RBFOX1: variants seen among roughly 807,000 people sequenced by gnomAD.
RBFOX1 encodes the protein RNA binding protein fox-1 homolog 1.
RBFOX1 carries 8 observed loss-of-function variants against 57.7 expected under a neutral mutation model. That is an observed-to-expected ratio of 0.14 (90% confidence interval 0.08 to 0.25). The LOEUF is 0.25. Among genes scored for constraint, RBFOX1 ranks in the 10% least tolerant of loss-of-function variants. The pLI, the probability that RBFOX1 is intolerant of heterozygous loss-of-function variation, is 1.00. For missense variants in RBFOX1, 611 were observed against 548.5 expected (o/e 1.11, Z -1.14); for synonymous variants, 326 against 222.4 (o/e 1.47, Z -4.15).
intron 3 of RBFOX1, chr16:6,705,443 T>C (rs941242722): frequency 3.3e-5 from 5 of 152,284 alleles, no homozygotes; most frequent in African/African-American, 1.2e-4. Context: ...CCTGGGTTAC[T>C]GTACACATAG....
At chr16:6,532,304 A>T (rs939162624) in intron 2 of RBFOX1, among the ~76,000 whole-genome samples, 1 of 152,114 alleles carries the variant, frequency 6.6e-6, no homozygotes, top group Non-Finnish European at 1.5e-5. Flanking sequence ...GGAAGCACCA[A>T]CCAGTGAGCA....
At chr16:5,442,077 GT>G (rs763058841) in intron 1 of RBFOX1, among the ~76,000 whole-genome samples, 26 of 152,286 alleles carry the variant, frequency 1.7e-4, no homozygotes, top group Admixed American at 3.3e-4. Context: ...GAGTTGGGGA[GT>G]TTTGCTAGAA....
At chr16:6,132,426 C>G (rs963492972) in intron 1 of RBFOX1, among the ~76,000 whole-genome samples, 1 of 152,194 alleles carries the variant, frequency 6.6e-6, no homozygotes, top group Non-Finnish European at 1.5e-5. Context: ...CATGAAGCAG[C>G]TTGAATTCCT....
intron 4 of RBFOX1, among the ~76,000 whole-genome samples, chr16:7,079,805 G>A (rs991367854): frequency 6.6e-6 from 1 of 151,894 alleles, no homozygotes; most frequent in South Asian, 2.1e-4. Flanking sequence ...TAAGATTTGT[G>A]TGCTTTAACC....
chr16:7,642,614 G>T (rs1031719314), intron 11 of RBFOX1, among the ~76,000 whole-genome samples: 1 of 152,134 alleles, frequency 6.6e-6, no homozygotes, highest in Non-Finnish European at 1.5e-5. Flanking sequence ...CTGTTAGATA[G>T]AACATGAATG....
intron 1 of RBFOX1, among the ~76,000 whole-genome samples, chr16:6,084,642 G>A (rs780158023): frequency 2.0e-5 from 3 of 152,134 alleles, no homozygotes; most frequent in Non-Finnish European, 4.4e-5. Flanking sequence ...GTGACATGGT[G>A]AAAAAGTAAG....
intron 2 of RBFOX1, among the ~76,000 whole-genome samples, chr16:6,606,433 C>A (rs151265185): frequency 6.6e-6 from 1 of 152,152 alleles, no homozygotes; most frequent in Non-Finnish European, 1.5e-5. Context: ...TAAACGTGTG[C>A]CATAGTGATT....
intron 1 of RBFOX1, among the ~76,000 whole-genome samples, chr16:5,454,685 G>T (rs557742968): frequency 3.9e-5 from 6 of 152,226 alleles, no homozygotes; most frequent in African/African-American, 1.4e-4. Flanking sequence ...TTAGGATTTT[G>T]CAGCCTCCAT....
chr16:6,319,833 A>G (rs1490083781), intron 2 of RBFOX1, among the ~76,000 whole-genome samples: 1 of 152,192 alleles, frequency 6.6e-6, no homozygotes, highest in Non-Finnish European at 1.5e-5. Flanking sequence ...AACTTCCAAG[A>G]GGTTTCCTTG....
rs79300691 is a variant in RBFOX1, at chr16:5,946,881, A to G, written c.351+79546A>G. ...AATAAAACCCAACACATATGAGTGT[A>G]GAGGTATGCTGCTTGAGTGGAGAAA... is the stretch of plus-strand genomic sequence containing the variant. On this transcript the variant is annotated intron_variant, in intron 4 of 19. Transcript: ENST00000641259. This position sits in a 1 kb window ranked among gnomAD's most constrained non-coding sequence, Gnocchi z 4.6. Among the ~76,000 whole-genome samples, 804 of 152,266 alleles carry G rather than the reference A, an allele frequency of 5.3e-3. 10 individuals are homozygous for G. Among genetic ancestry groups the G allele is most frequent in the African/African-American group, 0.018 (758 of 41,538 alleles).
intron 3 of RBFOX1, among the ~76,000 whole-genome samples, chr16:6,716,902 A>G (rs374384709): frequency 5.9e-5 from 9 of 152,210 alleles, no homozygotes; most frequent in South Asian, 2.1e-4. Context: ...CTAACTCCCA[A>G]TGTGATGGTA....
chr16:6,994,049 G>C (rs1049401924), intron 3 of RBFOX1, among the ~76,000 whole-genome samples: 1 of 152,134 alleles, frequency 6.6e-6, no homozygotes, highest in East Asian at 1.9e-4. Context: ...CCCCCTCTGG[G>C]AGTTTAACAA....
chr16:6,821,007 G>A (rs778084257), intron 3 of RBFOX1, among the ~76,000 whole-genome samples: 2 of 152,162 alleles, frequency 1.3e-5, no homozygotes, highest in Non-Finnish European at 2.9e-5. Flanking sequence ...GGGAGTCTTA[G>A]GGTTATTATC....
At chr16:6,443,916 T>G (rs2094436756) in intron 2 of RBFOX1, among the ~76,000 whole-genome samples, 1 of 152,084 alleles carries the variant, frequency 6.6e-6, no homozygotes, top group South Asian at 2.1e-4. Context: ...GAATCCCCAT[T>G]TATGTTCTAC....
chr16:5,924,109 C>G (rs2058893103), intron 4 of RBFOX1, among the ~76,000 whole-genome samples: 1 of 152,120 alleles, frequency 6.6e-6, no homozygotes, highest in Non-Finnish European at 1.5e-5. Flanking sequence ...CCCCTCCTTG[C>G]ACTCATCCCG....
intron 1 of RBFOX1, among the ~76,000 whole-genome samples, chr16:5,412,741 G>GA (rs1179253667): frequency 3.9e-5 from 6 of 152,298 alleles, no homozygotes; most frequent in South Asian, 2.1e-4. Context: ...ATATGACAGG[G>GA]AAAAAAATCA....
intron 3 of RBFOX1, among the ~76,000 whole-genome samples, chr16:6,956,573 C>G (rs1016089107): frequency 6.6e-6 from 1 of 152,150 alleles, no homozygotes; most frequent in Admixed American, 6.5e-5. Flanking sequence ...CCTCTTGCCT[C>G]TGGTCAGGTG....
chr16:7,477,334 TCCAAACAGC>T (rs977973770), intron 4 of RBFOX1, among the ~76,000 whole-genome samples: 6 of 152,114 alleles, frequency 3.9e-5, no homozygotes, highest in Admixed American at 2.6e-4. Context: ...AGTTTGTATC[TCCAAACAGC>T]CCTAAATCAT....
rs147779606 is a variant in RBFOX1 at position 7,452,438 on chromosome 16, G to A, written c.28-65709G>A. Among the ~76,000 whole-genome samples the A allele has an allele frequency of 1.3e-3, 205 of 152,298 alleles. 1 individual carries two copies. Among genetic ancestry groups the A allele is most frequent in the East Asian group, 0.012 (63 of 5,188 alleles). On this transcript the variant is annotated intron_variant, in intron 4 of 15. Transcript: ENST00000550418. ...GTTGCTTCATATTCCATGAGGTTAC[G>A]TTGGTTTTCTGGCATTGGGTTGCAA...
Sources: gnomAD v4.1 joint callset for allele counts (sites outside exome capture counted in the v4.1 genomes callset) on GRCh38, gnomAD v4.1.1 for gene constraint, Gnocchi (gnomAD v3.1) non-coding constraint, MANE v1.5 for transcripts, NCBI Gene and HGNC (gene_info 2026-07-23, HGNC 2026-07-21) for gene names.